CLNK: variants seen among roughly 807,000 people sequenced by gnomAD.
CLNK encodes the protein cytokine-dependent hematopoietic cell linker.
CLNK carries 74 observed loss-of-function variants against 68.6 expected under a neutral mutation model. The ratio of observed to expected loss-of-function variants is 1.08; its 90% confidence interval spans 0.89 to 1.31. The LOEUF is 1.31. Among genes scored for constraint, CLNK ranks in the 50% most tolerant of loss-of-function variants. The pLI is 0.00. For synonymous variants in CLNK, 198 were observed against 172.2 expected, an observed-to-expected ratio of 1.15 and a Z score of -1.17; for missense variants, 553 against 515.3, an observed-to-expected ratio of 1.07 and a Z score of -0.71.
the CLNK span, among the ~76,000 whole-genome samples, chr4:10,705,836 G>T: frequency 2.6e-5 from 4 of 152,194 alleles, no homozygotes; most frequent in Non-Finnish European, 5.9e-5. Context: ...GCCTTCCACA[G>T]GCACTACGCA....
chr4:10,504,174 G>A (rs1237923463), intron 17 of CLNK, among the ~76,000 whole-genome samples: 5 of 133,720 alleles, frequency 3.7e-5, no homozygotes, highest in South Asian at 2.4e-4. Context: ...AGGTTGGAGT[G>A]CAGTGGCTCA....
chr4:10,528,516 G>C (rs1389050691), intron 12 of CLNK, among the ~76,000 whole-genome samples: 1 of 152,106 alleles, frequency 6.6e-6, no homozygotes, highest in African/African-American at 2.4e-5. Flanking sequence ...TAAATCACTG[G>C]AAACAATCTA....
chr4:10,561,600 G>A (rs187206912), intron 7 of CLNK, among the ~76,000 whole-genome samples: 75 of 152,198 alleles, frequency 4.9e-4, no homozygotes, highest in African/African-American at 1.6e-3. Context: ...CTTTATAACC[G>A]GACCAGAACT....
intron 18 of CLNK, among the ~76,000 whole-genome samples, chr4:10,500,066 CT>C (rs1477321802): frequency 6.6e-6 from 1 of 152,140 alleles, no homozygotes; most frequent in Admixed American, 6.5e-5. Flanking sequence ...AAACTGAGAC[CT>C]GGAGATGTTA....
chr4:10,697,921 C>A, the CLNK span, among the ~76,000 whole-genome samples: 1 of 152,166 alleles, frequency 6.6e-6, no homozygotes, highest in Non-Finnish European at 1.5e-5. Context: ...ATTGTAGATA[C>A]TAATCTTCAT....
chr4:10,701,545 T>C, the CLNK span, among the ~76,000 whole-genome samples: 9 of 152,076 alleles, frequency 5.9e-5, no homozygotes, highest in Non-Finnish European at 1.2e-4. Context: ...AATAGGCAAG[T>C]TGTTAGGTGA....
chr4:10,490,828 A>G (rs1007078731), intron 18 of CLNK, among the ~76,000 whole-genome samples: 1 of 152,072 alleles, frequency 6.6e-6, no homozygotes, highest in Non-Finnish European at 1.5e-5. Flanking sequence ...GCAGTGCCAC[A>G]ATCTCGGCTC....
At chr4:10,624,257 C>CATGAAGATAAG (rs1449060620) in intron 2 of CLNK, among the ~76,000 whole-genome samples, 1 of 152,188 alleles carries the variant, frequency 6.6e-6, no homozygotes, top group African/African-American at 2.4e-5. Context: ...AGCAAGATAA[C>CATGAAGATAAG]CTCCAGCCAT....
the CLNK span, chr4:10,697,110 T>G: frequency 6.6e-6 from 1 of 152,182 alleles, no homozygotes; most frequent in Non-Finnish European, 1.5e-5. Flanking sequence ...CCTTTCTACA[T>G]TTTCTGCCAC....
At chr4:10,655,323 AC>A (rs1384041218) in intron 2 of CLNK, among the ~76,000 whole-genome samples, 4 of 148,666 alleles carry the variant, frequency 2.7e-5, no homozygotes, top group Non-Finnish European at 5.9e-5. Flanking sequence ...CCGGCCTAAA[AC>A]CCCCAAAGAC....
At chr4:10,595,011 C>T (rs923494029) in intron 3 of CLNK, among the ~76,000 whole-genome samples, 3 of 152,142 alleles carry the variant, frequency 2.0e-5, no homozygotes, top group Non-Finnish European at 4.4e-5. Flanking sequence ...GCAGGAGAAT[C>T]GTTTGAACCT....
At chr4:10,520,496 CAG>C (rs1282932971) in intron 15 of CLNK, among the ~76,000 whole-genome samples, 3 of 152,164 alleles carry the variant, frequency 2.0e-5, no homozygotes, top group Non-Finnish European at 4.4e-5. Flanking sequence ...TATCCTAAGA[CAG>C]AGCAATTTCA....
the CLNK span, among the ~76,000 whole-genome samples, chr4:10,719,750 G>A: frequency 8.5e-5 from 13 of 152,062 alleles, no homozygotes; most frequent in East Asian, 5.8e-4. Context: ...TACTCCATCC[G>A]ATGATGGCAG....
intron 2 of CLNK, among the ~76,000 whole-genome samples, chr4:10,622,002 G>T (rs1473836556): frequency 6.6e-6 from 1 of 152,210 alleles, no homozygotes; most frequent in South Asian, 2.1e-4. Context: ...AGCAAAACAG[G>T]ACTTGTTATT....
chr4:10,620,968 G>A (rs61794854), intron 2 of CLNK, among the ~76,000 whole-genome samples: 6,247 of 148,018 alleles, frequency 0.042, 190 homozygotes, highest in Middle Eastern at 0.1. Flanking sequence ...AAATTAGCCC[G>A]GCGTAGTGGT....
rs139961051 is a variant in CLNK, at chr4:10,661,176, G to A, written c.11+6683C>T. Among the ~76,000 whole-genome samples the A allele has an allele frequency of 6.9e-3, 1,056 of 152,322 alleles. 9 individuals carry two copies. Among genetic ancestry groups the A allele is most frequent in the African/African-American group, 0.024 (988 of 41,574 alleles). Reference sequence around the variant, plus strand: ...AGCAGGGGTTGTTCACACATGTCATGAAGGAAAATAATGATCTGGAGTTTA... The same window carrying A: ...AGCAGGGGTTGTTCACACATGTCATAAAGGAAAATAATGATCTGGAGTTTA... On this transcript the variant is annotated intron_variant, in intron 2 of 18. Transcript: ENST00000226951.
chr4:10,561,982 A>G (rs938610158), intron 7 of CLNK, among the ~76,000 whole-genome samples: 3 of 152,190 alleles, frequency 2.0e-5, no homozygotes, highest in African/African-American at 7.2e-5. Flanking sequence ...TGGGGCTAAA[A>G]TAGCACCTGA....
intron 13 of CLNK, among the ~76,000 whole-genome samples, chr4:10,526,880 A>G (rs1047635311): frequency 1.3e-5 from 2 of 152,190 alleles, no homozygotes; most frequent in African/African-American, 4.8e-5. Context: ...TCATAATACT[A>G]TGATATAAAA....
chr4:10,701,031 C>G, the CLNK span, among the ~76,000 whole-genome samples: 3 of 147,286 alleles, frequency 2.0e-5, no homozygotes, highest in Non-Finnish European at 4.5e-5. Context: ...CTTTTACCAG[C>G]TCTCTAACTT....
Sources: allele counts gnomAD v4.1 joint callset (sites outside exome capture counted in the v4.1 genomes callset), GRCh38; gene constraint gnomAD v4.1.1; transcripts MANE v1.5; gene names NCBI Gene and HGNC (gene_info 2026-07-23, HGNC 2026-07-21).